Variants in ADNP observed in about 807,000 individuals in gnomAD.
The protein encoded by ADNP is activity dependent neuroprotector homeobox, also known as activity-dependent neuroprotector homeobox protein.
In ADNP, 4 loss-of-function variants were observed where a neutral mutation model predicts 84.9. The ratio of observed to expected loss-of-function variants is 0.05; its 90% CI spans 0.02 to 0.11. The LOEUF (loss-of-function observed/expected upper bound fraction) is 0.11, where lower values mean the gene tolerates loss of function less well. Among genes scored for constraint, ADNP ranks in the 10% least tolerant of loss-of-function variants. ADNP has a pLI of 1.00. For synonymous variants in ADNP, 554 were observed against 468.1 expected, an observed-to-expected ratio of 1.18 and a Z score of -2.37; for missense variants, 1,132 against 1,326.0, an observed-to-expected ratio of 0.85 and a Z score of 2.27.
In ADNP at chr20:50,893,010, T is replaced by G. The variant is rs376377223; in HGVS notation, c.1704A>C (p.Thr568=). 1 of 1,614,100 alleles carries G rather than the reference T, an allele frequency of 6.2e-7. No homozygotes were observed. Among genetic ancestry groups the G allele is most frequent in the Non-Finnish European group, 8.5e-7 (1 of 1,180,044 alleles). The change falls in exon 6 of 6, where the codon ACA becomes ACC. Residue 568 remains threonine (T), a synonymous_variant. Coordinates refer to ENST00000621696, the MANE Select transcript of ADNP (RefSeq NM_001282531.3). This position sits in a 1 kb window ranked among gnomAD's most constrained non-coding sequence, Gnocchi z 4.4. ...CAGCTGGGGCATCCCTCAGATTGTATGTAGTTACCAGGAGATGGATGTTAG... is the reference window on the plus strand; with the variant it reads ...CAGCTGGGGCATCCCTCAGATTGTAGGTAGTTACCAGGAGATGGATGTTAG... ...SHTNIHLLVT[T]YNLRDAPAES...
chr20:50,925,796 A>T (rs1333502270), intron 2 of ADNP, among the ~76,000 whole-genome samples: 1 of 152,230 alleles, frequency 6.6e-6, no homozygotes. Flanking sequence ...TACTATCACA[A>T]GCTCTTACAA....
At chr20:50,907,374 CTCCT>C (rs1404993951) in intron 2 of ADNP, among the ~76,000 whole-genome samples, 11 of 144,898 alleles carry the variant, frequency 7.6e-5, no homozygotes, top group Non-Finnish European at 6.3e-5. Context: ...TCAAGCAATT[CTCCT>C]TCCTCAACCT....
chr20:50,904,082 T>G (rs897365463), intron 3 of ADNP, 81 bp from the exon 4 acceptor site: 53 of 1,075,076 alleles, frequency 4.9e-5, no homozygotes, highest in Non-Finnish European at 7.2e-5. Context: ...GATAGGATCA[T>G]AAAACCTACC....
chr20:50,891,571 T>G lies in ADNP; in HGVS notation c.3143A>C (p.Lys1048Thr). ...GFWSKDQSQWKNASENDERLS... is the reference protein window; with the variant it reads ...GFWSKDQSQWTNASENDERLS... ...GCGCTCATCATTCTCAGATGCATTC[T>G]TCCACTGTGACTGGTCCTTAGACCA... is the stretch of plus-strand genomic sequence containing the variant. The change falls in exon 6 of 6, where the codon AAG becomes ACG. Residue 1048 changes from lysine (K) to threonine (T), a missense_variant. By Grantham distance (78) the Lys-to-Thr change is moderately conservative. Transcript: ENST00000621696. 6.2e-7 allele frequency: 1 copy of G among 1,612,910 alleles called. No homozygotes were observed. The highest frequency in any genetic ancestry group is 8.5e-7 in the Non-Finnish European group (1 of 1,180,050).
intron 2 of ADNP, among the ~76,000 whole-genome samples, chr20:50,915,578 A>T (rs961374186): frequency 1.3e-5 from 2 of 152,168 alleles, no homozygotes; most frequent in African/African-American, 4.8e-5. Flanking sequence ...CAGATGCCGG[A>T]AACTCTTCAT....
chr20:50,898,769 G>A (rs962224704), intron 5 of ADNP, among the ~76,000 whole-genome samples: 3 of 152,218 alleles, frequency 2.0e-5, no homozygotes, highest in African/African-American at 7.2e-5. Context: ...AAGAGACACA[G>A]TGAACACAAG....
chr20:50,891,548 G>A lies in ADNP; in HGVS notation c.3166C>T (p.Arg1056Cys), dbSNP rs749636302. ...QWKNASENDE[R>C]LSNPQIEWQN... ...CACTCAATCTGGGGGTTAGATAAGC[G>A]CTCATCATTCTCAGATGCATTCTTC... The change falls in exon 6 of 6, where the codon CGC becomes TGC. Residue 1056 changes from arginine (R) to cysteine (C), a missense_variant. By Grantham distance (180) the Arg-to-Cys change is radical. This residue lies in a region of ADNP where 381 missense variants were observed against 319.9 expected (regional missense o/e 1.19). Coordinates refer to ENST00000621696, the MANE Select transcript of ADNP (RefSeq NM_001282531.3). The A allele has an allele frequency of 1.2e-5, 20 of 1,611,842 alleles. No homozygotes were observed. The highest frequency in any genetic ancestry group is 5.5e-5 in the South Asian group (5 of 91,090).
At chr20:50,929,531 G>A (rs1390769087) in intron 1 of ADNP, among the ~76,000 whole-genome samples, 2 of 152,104 alleles carry the variant, frequency 1.3e-5, no homozygotes, top group Non-Finnish European at 2.9e-5. Flanking sequence ...TCTAGCTCGG[G>A]GGCCCTTCCC....
At chr20:50,915,897 A>G (rs1040075516) in intron 2 of ADNP, among the ~76,000 whole-genome samples, 8 of 151,094 alleles carry the variant, frequency 5.3e-5, no homozygotes, top group African/African-American at 1.7e-4. Flanking sequence ...AACATCAATT[A>G]TATTGCCTAG....
intron 5 of ADNP, among the ~76,000 whole-genome samples, chr20:50,897,255 T>A (rs1011663967): frequency 6.6e-6 from 1 of 152,200 alleles, no homozygotes; most frequent in Non-Finnish European, 1.5e-5. Context: ...GTTTTCAGAC[T>A]TAAGGAGCTT....
Position 50,892,219 on chromosome 20 carries a change from TTTAA to T in ADNP, c.2491_2494del (p.Leu831IlefsTer82), listed in dbSNP as rs587777522. ...AAAATCCATCTCATGCTTGACTTTA[TTTAA>T]TTCTTTCATGTTAAACCCCAGCAAC... is the stretch of plus-strand genomic sequence containing the variant. On this transcript the variant is annotated frameshift_variant, in exon 6 of 6. Coordinates refer to ENST00000621696, the MANE Select transcript of ADNP (RefSeq NM_001282531.3). LOFTEE classifies it high-confidence loss of function. 1 of 1,614,222 alleles carries T rather than the reference TTTAA, an allele frequency of 6.2e-7. No homozygotes were observed.
In ADNP at chr20:50,902,052, C is replaced by T; in HGVS notation, c.166G>A (p.Val56Ile). The T allele has an allele frequency of 6.2e-7, 1 of 1,613,978 alleles. No homozygotes were observed. Among genetic ancestry groups the T allele is most frequent in the Non-Finnish European group, 8.5e-7 (1 of 1,179,854 alleles). Residue 56 changes from valine (V) to isoleucine (I), a missense_variant, in exon 5 of 6, where the codon GTA (valine) becomes ATA (isoleucine). By Grantham distance (29) the Val-to-Ile change is conservative (BLOSUM62 3). Around this residue, in one of 10 missense-constraint regions of ADNP, gnomAD observed 56 missense variants for 94.6 expected, o/e 0.59. Transcript: ENST00000621696. ...FYLKNTTWED[V>I]GLWDPSLTKN... ...GTAAGTGATGGGTCCCACAGTCCTA[C>T]ATCCTCCCATGTAGTGTTTTTCAAA...
intron 4 of ADNP, 52 bp from the exon 5 acceptor site, chr20:50,902,161 C>T (rs1376655045): frequency 6.8e-6 from 9 of 1,332,266 alleles, no homozygotes; most frequent in South Asian, 1.2e-5. Context: ...AAACGCTAAC[C>T]CAATCTTACA....
At chr20:50,929,236 CA>C (rs1159499079) in intron 1 of ADNP, among the ~76,000 whole-genome samples, 1 of 152,180 alleles carries the variant, frequency 6.6e-6, no homozygotes, top group Non-Finnish European at 1.5e-5. Context: ...GTGACACATT[CA>C]AAACTTGAGG....
intron 2 of ADNP, chr20:50,914,419 A>G (rs1398099577): frequency 5.9e-6 from 3 of 507,134 alleles, no homozygotes; most frequent in Non-Finnish European, 1.1e-5. Context: ...ATTTCTTCTT[A>G]CTTTCTATGT....
Position 50,891,127 on chromosome 20 carries a change from A to G in ADNP, c.*278T>C. On this transcript the variant is annotated 3_prime_UTR_variant, in exon 6 of 6. Coordinates refer to ENST00000621696, the MANE Select transcript of ADNP (RefSeq NM_001282531.3). ...AGAGGGAAAGAAATGTTGAAAAGGCAGATAAAATAAACCTCTGCTTTTCCT... is the reference window on the plus strand; with the variant it reads ...AGAGGGAAAGAAATGTTGAAAAGGCGGATAAAATAAACCTCTGCTTTTCCT... 1 of 1,215,442 alleles carries G rather than the reference A, an allele frequency of 8.2e-7. No individual in the cohort carries two copies. Among genetic ancestry groups the G allele is most frequent in the Non-Finnish European group, 1.0e-6 (1 of 976,834 alleles). 75.3% of individuals were successfully genotyped at this position (1,215,442 alleles called of 1,614,324 possible).
At chr20:50,914,263 T>G (rs917823375) in intron 2 of ADNP, 5 of 707,794 alleles carry the variant, frequency 7.1e-6, no homozygotes, top group Non-Finnish European at 1.3e-5. Context: ...ACACTTAGTC[T>G]GTGATAAGAG....
At position 50,891,992 on chromosome 20, in the gene ADNP, G is replaced by A; in HGVS notation, c.2722C>T (p.Pro908Ser). The change falls in exon 6 of 6, where the codon CCA (proline) becomes TCA (serine). Residue 908 changes from proline to serine, a missense_variant. Pro to Ser is a moderately conservative substitution (Grantham distance 74, BLOSUM62 -1). Transcript: ENST00000621696. ...EVEPKISNDN[P>S]EEHVLKVIPE... ...ATTACCTTCAGTACATGTTCCTCTG[G>A]GTTATCGTTAGAGATTTTAGGTTCA... The A allele has an allele frequency of 3.7e-6, 6 of 1,614,088 alleles. No homozygotes were observed. Among genetic ancestry groups the A allele is most frequent in the Non-Finnish European group, 5.1e-6 (6 of 1,180,016 alleles).
Position 50,931,322 on chromosome 20 carries a change from C to G in ADNP, c.-761G>C, listed in dbSNP as rs1390565640. On this transcript the variant is annotated 5_prime_UTR_variant, in exon 1 of 6. Transcript: ENST00000621696. ...GGAGGGGAGACCGGGCCGGCGGAGGCGGCGGCGGCAACGGGCGGGGGAGGG... is the reference window on the plus strand; with the variant it reads ...GGAGGGGAGACCGGGCCGGCGGAGGGGGCGGCGGCAACGGGCGGGGGAGGG... The G allele has an allele frequency of 1.2e-5, 1 of 86,362 alleles. No homozygotes were observed. Among genetic ancestry groups the G allele is most frequent in the Non-Finnish European group, 2.2e-5 (1 of 45,896 alleles). 5.3% of individuals were successfully genotyped at this position (86,362 alleles called of 1,614,324 possible).
Sources: gnomAD v4.1 joint callset for allele counts (sites outside exome capture counted in the v4.1 genomes callset) on GRCh38, gnomAD v4.1.1 for gene constraint, gnomAD v4.1.1 regional missense constraint, Gnocchi (gnomAD v3.1) non-coding constraint, MANE v1.5 for transcripts, NCBI Gene and HGNC (gene_info 2026-07-23, HGNC 2026-07-21) for gene names.